Variants in CSMD3 observed in about 807,000 individuals in gnomAD.
CSMD3 encodes the protein CUB and Sushi multiple domains 3, also known as CUB and sushi domain-containing protein 3.
In CSMD3, 177 loss-of-function variants were observed where a neutral mutation model predicts 435.2. That is an observed-to-expected ratio of 0.41 (90% confidence interval 0.36 to 0.46). CSMD3 has a LOEUF of 0.46. CSMD3 is among the 20% of genes least tolerant of loss of function. CSMD3 has a pLI of 0.34. For synonymous variants in CSMD3, 1,656 were observed against 1,520.5 expected, an observed-to-expected ratio of 1.09 and a Z score of -2.07; for missense variants, 4,265 against 4,504.6, an observed-to-expected ratio of 0.95 and a Z score of 1.52.
intron 67 of CSMD3, 118 bp from the exon 68 acceptor site, chr8:112,234,595 A>G (rs903330904): frequency 3.3e-5 from 23 of 706,282 alleles, no homozygotes; most frequent in African/African-American, 3.1e-4. Context: ...AAGAAATAAA[A>G]CAAGGGCAAG....
At chr8:113,165,535 CA>C in intron 4 of CSMD3, among the ~76,000 whole-genome samples, 1 of 152,086 alleles carries the variant, frequency 6.6e-6, no homozygotes, top group African/African-American at 2.4e-5. Context: ...TCAGTTGCCT[CA>C]AAAAGAGACT....
intron 32 of CSMD3, among the ~76,000 whole-genome samples, chr8:112,427,455 A>G (rs1813185599): frequency 6.6e-6 from 1 of 152,062 alleles, no homozygotes; most frequent in Admixed American, 6.6e-5. Context: ...CATTTCTCCT[A>G]TGCTGCCACC....
intron 10 of CSMD3, among the ~76,000 whole-genome samples, chr8:112,916,896 G>A (rs2082588606): frequency 6.6e-6 from 1 of 151,890 alleles, no homozygotes; most frequent in Non-Finnish European, 1.5e-5. Flanking sequence ...CTGAGAAGAG[G>A]AATAATATAT....
chr8:113,273,322 C>G (rs1318641367), intron 3 of CSMD3, among the ~76,000 whole-genome samples: 1 of 151,644 alleles, frequency 6.6e-6, no homozygotes, highest in Non-Finnish European at 1.5e-5. Context: ...ATAAAATTAG[C>G]AGGATTATGT....
chr8:112,444,016 A>T (rs1297264240), intron 32 of CSMD3, among the ~76,000 whole-genome samples: 1 of 152,344 alleles, frequency 6.6e-6, no homozygotes, highest in African/African-American at 2.4e-5. Context: ...TCTCAAATTC[A>T]TATTGTATTA....
chr8:112,451,229 T>C (rs778143786), intron 32 of CSMD3, among the ~76,000 whole-genome samples: 1 of 152,186 alleles, frequency 6.6e-6, no homozygotes, highest in Non-Finnish European at 1.5e-5. Context: ...TTAACAGTAG[T>C]TATCTCTGGA....
intron 3 of CSMD3, among the ~76,000 whole-genome samples, chr8:113,182,188 C>T (rs1216414866): frequency 1.3e-5 from 2 of 151,846 alleles, no homozygotes; most frequent in Admixed American, 1.3e-4. Flanking sequence ...AAAACTGATT[C>T]CATAAGCTGA....
At chr8:113,346,245 A>C in intron 1 of CSMD3, among the ~76,000 whole-genome samples, 1 of 152,110 alleles carries the variant, frequency 6.6e-6, no homozygotes, top group East Asian at 2.0e-4. Context: ...TCCTCAATTT[A>C]AATTTAAATA....
intron 1 of CSMD3, among the ~76,000 whole-genome samples, chr8:113,328,730 C>CTTTTTTTTTTTTTTTT (rs1433804259): frequency 1.6e-5 from 1 of 64,032 alleles, no homozygotes; most frequent in African/African-American, 7.7e-5. Flanking sequence ...TTCCTTCCTT[C>CTTTTTTTTTTTTTTTT]TTTTCTTTTT....
intron 27 of CSMD3, among the ~76,000 whole-genome samples, chr8:112,535,665 A>C (rs1046843232): frequency 1.3e-5 from 2 of 152,068 alleles, no homozygotes; most frequent in Non-Finnish European, 2.9e-5. Context: ...GAATTGGAAA[A>C]AACTACTTTA....
chr8:112,363,295 T>G (rs1827432597), intron 38 of CSMD3, among the ~76,000 whole-genome samples: 1 of 152,034 alleles, frequency 6.6e-6, no homozygotes. Flanking sequence ...ATTGTTGAAG[T>G]GTTTCAGGCA....
intron 27 of CSMD3, among the ~76,000 whole-genome samples, chr8:112,534,880 G>A (rs1825905569): frequency 6.6e-6 from 1 of 152,004 alleles, no homozygotes; most frequent in Admixed American, 6.6e-5. Flanking sequence ...TTCAATATAT[G>A]CAAATCAATA....
chr8:113,327,917 C>T (rs2093995170), intron 1 of CSMD3, among the ~76,000 whole-genome samples: 1 of 152,140 alleles, frequency 6.6e-6, no homozygotes, highest in South Asian at 2.1e-4. Flanking sequence ...CTACCATATT[C>T]ACAAGGTTAT....
chr8:113,062,801 C>T (rs544537360), intron 5 of CSMD3, among the ~76,000 whole-genome samples: 2 of 151,776 alleles, frequency 1.3e-5, no homozygotes, highest in East Asian at 3.9e-4. Flanking sequence ...ATTATTTAAG[C>T]TATTTAATAG....
chr8:112,697,022 A>G (rs1253132613), intron 13 of CSMD3, among the ~76,000 whole-genome samples: 3 of 151,458 alleles, frequency 2.0e-5, no homozygotes, highest in Admixed American at 6.6e-5. Context: ...CAAAACCACA[A>G]TGAGATACCA....
chr8:112,496,532 T>C (rs533466843), intron 30 of CSMD3, among the ~76,000 whole-genome samples: 9 of 151,992 alleles, frequency 5.9e-5, no homozygotes, highest in African/African-American at 2.2e-4. Context: ...CTATTCAGAA[T>C]AGTCAAGATT....
chr8:113,237,744 A>T (rs1461171321), intron 3 of CSMD3, among the ~76,000 whole-genome samples: 1 of 152,212 alleles, frequency 6.6e-6, no homozygotes, highest in Non-Finnish European at 1.5e-5. Context: ...GCTACTAACA[A>T]CAGACCAATA....
intron 13 of CSMD3, among the ~76,000 whole-genome samples, chr8:112,744,748 A>C (rs1350102711): frequency 1.3e-5 from 2 of 152,160 alleles, no homozygotes; most frequent in African/African-American, 4.8e-5. Context: ...AATGAAGAAA[A>C]GTCAGCTAAA....
At chr8:113,245,987 G>A (rs1220876052) in intron 3 of CSMD3, among the ~76,000 whole-genome samples, 3 of 151,966 alleles carry the variant, frequency 2.0e-5, no homozygotes, top group Non-Finnish European at 2.9e-5. Flanking sequence ...TCTTATTGAA[G>A]ATCCCTTATG....
Sources: allele counts gnomAD v4.1 joint callset (sites outside exome capture counted in the v4.1 genomes callset), GRCh38; gene constraint gnomAD v4.1.1; transcripts MANE v1.5; gene names NCBI Gene and HGNC (gene_info 2026-07-23, HGNC 2026-07-21).